The following UBR3 variants were observed in gnomAD, a reference collection of about 807,000 sequenced individuals.
UBR3 encodes ubiquitin protein ligase E3 component n-recognin 3, also known as E3 ubiquitin-protein ligase UBR3.
Under a neutral mutation model 243.2 loss-of-function variants are expected in UBR3, and 85 were observed. The ratio of observed to expected loss-of-function variants is 0.35; its 90% CI spans 0.29 to 0.42. UBR3 has a LOEUF of 0.42. Ranked by LOEUF, UBR3 falls within the 10% of genes least tolerant of loss-of-function variation. The pLI, the probability that UBR3 is intolerant of heterozygous loss-of-function variation, is 1.00. For synonymous variants in UBR3, 748 were observed against 799.8 expected, an observed-to-expected ratio of 0.94 and a Z score of 1.09; for missense variants, 1,686 against 2,300.8, an observed-to-expected ratio of 0.73 and a Z score of 5.47.
chr2:170,038,113 A>T (rs1375269080), intron 31 of UBR3, among the ~76,000 whole-genome samples: 1 of 152,070 alleles, frequency 6.6e-6, no homozygotes, highest in Non-Finnish European at 1.5e-5. Context: ...ACTATATTTA[A>T]TTTTTTTATT....
intron 29 of UBR3, 63 bp from the exon 30 acceptor site, chr2:170,015,218 C>T: frequency 7.2e-7 from 1 of 1,394,302 alleles, no homozygotes; most frequent in South Asian, 1.3e-5. Flanking sequence ...TCAGACATGT[C>T]AATAAAGCAG....
intron 1 of UBR3, among the ~76,000 whole-genome samples, chr2:169,866,863 C>A (rs975592887): frequency 1.3e-5 from 2 of 152,312 alleles, no homozygotes; most frequent in East Asian, 3.9e-4. Context: ...GCACTGTAAT[C>A]TGCTGACCTA....
rs1574372847 is a variant in UBR3, at chr2:170,001,476, A to G, written c.4029+62A>G. 5.0e-6 allele frequency: 5 copies of G among 992,836 alleles called. No individual in the cohort carries two copies. In the East Asian group the frequency reaches 7.2e-5, roughly 14 times the overall value. The allele number at this position is 992,836 out of a possible 1,614,324, so 61.5% of individuals were successfully genotyped here. ...ATCTTTCCAGGTATTAAATCTTTTT[A>G]TAGTATATACATCCCAATTCCAGCT... is the stretch of plus-strand genomic sequence containing the variant. On this transcript the variant is annotated intron_variant, in intron 27 of 38. Coordinates refer to ENST00000272793, the MANE Select transcript of UBR3 (RefSeq NM_172070.4).
intron 5 of UBR3, among the ~76,000 whole-genome samples, chr2:169,890,455 T>C (rs1348219322): frequency 6.7e-6 from 1 of 150,352 alleles, no homozygotes; most frequent in African/African-American, 2.5e-5. Context: ...CTTGAATAGG[T>C]TGTGAGTGTC....
intron 27 of UBR3, among the ~76,000 whole-genome samples, chr2:170,003,307 T>C (rs2089780618): frequency 6.6e-6 from 1 of 152,244 alleles, no homozygotes; most frequent in African/African-American, 2.4e-5. Context: ...GTCTTCCTCC[T>C]GATAGGATAA....
intron 1 of UBR3, among the ~76,000 whole-genome samples, chr2:169,865,284 C>A (rs1471092457): frequency 1.3e-5 from 2 of 152,066 alleles, no homozygotes; most frequent in African/African-American, 4.8e-5. Flanking sequence ...ATTATCAATT[C>A]TTTATTGAGC....
At chr2:169,893,862 A>G (rs1351121084) in intron 6 of UBR3, among the ~76,000 whole-genome samples, 4 of 152,080 alleles carry the variant, frequency 2.6e-5, no homozygotes, top group South Asian at 2.1e-4. Context: ...TGCCGAGCCT[A>G]TATTATAATT....
At chr2:170,070,792 C>G (rs1032814751) in intron 35 of UBR3, among the ~76,000 whole-genome samples, 2 of 152,084 alleles carry the variant, frequency 1.3e-5, no homozygotes, top group Non-Finnish European at 2.9e-5. Flanking sequence ...CATGAATATA[C>G]TGAGAACCAC....
At chr2:170,034,983 C>T (rs1424918271) in intron 31 of UBR3, among the ~76,000 whole-genome samples, 1 of 148,952 alleles carries the variant, frequency 6.7e-6, no homozygotes, top group Non-Finnish European at 1.5e-5. Context: ...GGTGAGGTAT[C>T]TGTTAATGCC....
chr2:169,975,338 C>T (rs1230217210), intron 24 of UBR3, among the ~76,000 whole-genome samples: 1 of 152,092 alleles, frequency 6.6e-6, no homozygotes, highest in Admixed American at 6.6e-5. Context: ...GATTTAAATT[C>T]CATTAAGTTT....
chr2:169,899,845 C>G (rs990499339), intron 8 of UBR3, among the ~76,000 whole-genome samples: 7 of 152,156 alleles, frequency 4.6e-5, no homozygotes, highest in Admixed American at 3.9e-4. Flanking sequence ...TTTTTTATGG[C>G]TGCAATAGTA....
chr2:170,045,805 A>G (rs1320466854), intron 32 of UBR3, among the ~76,000 whole-genome samples: 2 of 152,068 alleles, frequency 1.3e-5, no homozygotes, highest in African/African-American at 2.4e-5. Flanking sequence ...TCCAGACCAC[A>G]TATCATTTTA....
chr2:170,078,850 T>G (rs1411460898), intron 36 of UBR3, among the ~76,000 whole-genome samples: 1 of 152,182 alleles, frequency 6.6e-6, no homozygotes, highest in Admixed American at 6.5e-5. Flanking sequence ...TCCACTGTAA[T>G]CAACTCATTA....
intron 26 of UBR3, among the ~76,000 whole-genome samples, chr2:169,996,452 A>G (rs1203501853): frequency 6.6e-6 from 1 of 152,220 alleles, no homozygotes; most frequent in African/African-American, 2.4e-5. Context: ...AATACAGGTC[A>G]ATATAAATGT....
intron 9 of UBR3, 107 bp downstream of exon 9, chr2:169,905,400 A>T: frequency 1.3e-6 from 1 of 753,036 alleles, no homozygotes; most frequent in Non-Finnish European, 1.9e-6. Context: ...CTACACATGA[A>T]ATAGCTCATT....
At chr2:169,894,950 C>T (rs1479192310) in intron 6 of UBR3, among the ~76,000 whole-genome samples, 1 of 152,124 alleles carries the variant, frequency 6.6e-6, no homozygotes, top group African/African-American at 2.4e-5. Flanking sequence ...CATCCATTCC[C>T]CCCATTCATT....
At chr2:169,900,107 C>A (rs1003029490) in intron 8 of UBR3, among the ~76,000 whole-genome samples, 2 of 152,174 alleles carry the variant, frequency 1.3e-5, no homozygotes, top group Non-Finnish European at 2.9e-5. Context: ...ATTTACACTC[C>A]CACCAACAGT....
intron 25 of UBR3, among the ~76,000 whole-genome samples, chr2:169,991,882 T>C (rs1422886104): frequency 6.6e-6 from 1 of 152,036 alleles, no homozygotes; most frequent in East Asian, 1.9e-4. Flanking sequence ...GTGCCTGGCC[T>C]AAAACAACAT....
intron 1 of UBR3, among the ~76,000 whole-genome samples, chr2:169,870,514 C>T (rs1236116597): frequency 3.3e-5 from 5 of 152,002 alleles, no homozygotes; most frequent in Non-Finnish European, 2.9e-5. Context: ...AGTTCATTAT[C>T]ATTAACCTTT....
Sources: gnomAD v4.1 joint callset for allele counts (sites outside exome capture counted in the v4.1 genomes callset) on GRCh38, gnomAD v4.1.1 for gene constraint, MANE v1.5 for transcripts, NCBI Gene and HGNC (gene_info 2026-07-23, HGNC 2026-07-21) for gene names.